Variants in AKAP19 observed in about 807,000 individuals in gnomAD.
AKAP19 encodes small A-kinase anchoring protein.
chr2:190,118,612 A>G, the AKAP19 span, among the ~76,000 whole-genome samples: 1 of 152,258 alleles, frequency 6.6e-6, no homozygotes, highest in Admixed American at 6.5e-5. Context: ...ACCAAAGACA[A>G]AAACCACATG....
the AKAP19 span, chr2:190,201,357 CAT>C: frequency 1.8e-5 from 3 of 167,048 alleles, no homozygotes; most frequent in South Asian, 6.2e-4. Context: ...GAAATTAAGA[CAT>C]GACTTGTTAG....
At chr2:189,968,506 C>A in the AKAP19 span, among the ~76,000 whole-genome samples, 2 of 152,290 alleles carry the variant, frequency 1.3e-5, no homozygotes, top group South Asian at 4.1e-4. Context: ...TCCAAGAACA[C>A]TGGAATTATA....
At chr2:190,119,304 C>A in the AKAP19 span, among the ~76,000 whole-genome samples, 1 of 152,144 alleles carries the variant, frequency 6.6e-6, no homozygotes, top group Admixed American at 6.5e-5. Context: ...AAAGAGGGAA[C>A]CCCGCGCTTA....
the AKAP19 span, among the ~76,000 whole-genome samples, chr2:189,949,394 A>G: frequency 2.0e-5 from 3 of 151,996 alleles, no homozygotes; most frequent in Non-Finnish European, 4.4e-5. Context: ...TCTATTAGCC[A>G]GGCACAGTGG....
the AKAP19 span, among the ~76,000 whole-genome samples, chr2:190,174,823 A>G: frequency 6.6e-6 from 1 of 152,240 alleles, no homozygotes; most frequent in East Asian, 1.9e-4. Context: ...ATCAAAATAA[A>G]TGCAGGTGAA....
the AKAP19 span, among the ~76,000 whole-genome samples, chr2:190,063,195 A>G: frequency 1.8e-4 from 28 of 152,108 alleles, no homozygotes; most frequent in Non-Finnish European, 3.7e-4. Context: ...AATTAGGAAA[A>G]TAAAAATTAG....
At chr2:189,894,420 C>T in the AKAP19 span, among the ~76,000 whole-genome samples, 2 of 152,072 alleles carry the variant, frequency 1.3e-5, no homozygotes, top group East Asian at 1.9e-4. Context: ...TTTGCATCCA[C>T]ATCTTTTGGG....
At chr2:189,954,549 C>A in the AKAP19 span, among the ~76,000 whole-genome samples, 1 of 152,186 alleles carries the variant, frequency 6.6e-6, no homozygotes, top group African/African-American at 2.4e-5. Context: ...AAGGTCATCA[C>A]CAAGGTCTGA....
chr2:190,017,167 TC>T, the AKAP19 span, among the ~76,000 whole-genome samples: 1 of 152,162 alleles, frequency 6.6e-6, no homozygotes, highest in South Asian at 2.1e-4. Context: ...TCAGTCTGTG[TC>T]CTGAAAGGTG....
chr2:190,123,629 C>A, the AKAP19 span, among the ~76,000 whole-genome samples: 1 of 152,162 alleles, frequency 6.6e-6, no homozygotes, highest in African/African-American at 2.4e-5. Flanking sequence ...CTTCTCTGAT[C>A]GCTCAGGATT....
the AKAP19 span, among the ~76,000 whole-genome samples, chr2:190,198,777 C>G: frequency 6.6e-6 from 1 of 151,952 alleles, no homozygotes; most frequent in African/African-American, 2.4e-5. Context: ...ACACTCAGTC[C>G]TCTTTAAAAT....
At chr2:189,883,515 T>G in the AKAP19 span, among the ~76,000 whole-genome samples, 2 of 151,456 alleles carry the variant, frequency 1.3e-5, no homozygotes, top group Non-Finnish European at 2.9e-5. Flanking sequence ...CTGTTTTTTT[T>G]TTTTTTTTTT....
the AKAP19 span, among the ~76,000 whole-genome samples, chr2:190,172,547 C>A: frequency 1.3e-5 from 2 of 152,130 alleles, no homozygotes; most frequent in Non-Finnish European, 2.9e-5. Flanking sequence ...AATCTCCATA[C>A]CTTTACAATG....
chr2:189,908,177 T>C, the AKAP19 span, among the ~76,000 whole-genome samples: 1 of 149,996 alleles, frequency 6.7e-6, no homozygotes, highest in Non-Finnish European at 1.5e-5. Context: ...ATTTTCTTCA[T>C]GTAGATGTTT....
the AKAP19 span, among the ~76,000 whole-genome samples, chr2:189,942,838 T>A: frequency 2.6e-5 from 4 of 152,216 alleles, no homozygotes; most frequent in African/African-American, 9.6e-5. Context: ...ATTTAGGGTA[T>A]CTGGGAGAAG....
chr2:190,177,294 C>CT, the AKAP19 span, among the ~76,000 whole-genome samples: 1 of 152,140 alleles, frequency 6.6e-6, no homozygotes. This position sits in a 1 kb window ranked among gnomAD's most constrained non-coding sequence, Gnocchi z 4.6. Flanking sequence ...CTTTATAAAT[C>CT]TTTTCTGTGA....
chr2:190,116,596 C>T, the AKAP19 span, among the ~76,000 whole-genome samples: 11 of 152,144 alleles, frequency 7.2e-5, no homozygotes, highest in South Asian at 6.2e-4. Context: ...CCATCCTCAC[C>T]GCCATTTTCT....
the AKAP19 span, among the ~76,000 whole-genome samples, chr2:190,176,304 T>A: frequency 6.6e-6 from 1 of 152,050 alleles, no homozygotes; most frequent in Middle Eastern, 3.2e-3. The surrounding 1 kb of genome is among the most constrained non-coding windows in gnomAD (Gnocchi z 4.7). Context: ...CAACTAGGAG[T>A]AGTAAAAAAT....
the AKAP19 span, among the ~76,000 whole-genome samples, chr2:189,990,603 G>A: frequency 6.6e-6 from 1 of 152,078 alleles, no homozygotes. Context: ...CGAGGCTTTG[G>A]AATTAGGATA....
Sources: allele counts gnomAD v4.1 joint callset (sites outside exome capture counted in the v4.1 genomes callset), GRCh38; gene constraint gnomAD v4.1.1; non-coding constraint Gnocchi (gnomAD v3.1); transcripts MANE v1.5; gene names NCBI Gene and HGNC (gene_info 2026-07-23, HGNC 2026-07-21).